The following SLC12A7 variants were observed in gnomAD, a reference collection of about 807,000 sequenced individuals.
SLC12A7 encodes solute carrier family 12 member 7, also known as K-Cl cotransporter 4.
In SLC12A7, 100 loss-of-function variants were observed where a neutral mutation model predicts 120.6. The observed-to-expected ratio is 0.83, with a 90% CI of 0.71 to 0.98. The LOEUF (loss-of-function observed/expected upper bound fraction) is 0.98, where lower values mean the gene tolerates loss of function less well. Ranked by LOEUF, SLC12A7 falls within the 50% of genes least tolerant of loss-of-function variation. SLC12A7 has a pLI of 0.00. For synonymous variants in SLC12A7, 760 were observed against 678.0 expected (o/e 1.12, Z -1.88); for missense variants, 1,373 against 1,548.1 (o/e 0.89, Z 1.90).
the SLC12A7 span, among the ~76,000 whole-genome samples, chr5:1,119,436 C>A: frequency 1.3e-5 from 2 of 152,334 alleles, no homozygotes; most frequent in African/African-American, 2.4e-5. Flanking sequence ...GCCGCAGGCA[C>A]GCACACATCC....
At chr5:1,135,714 C>G in the SLC12A7 span, among the ~76,000 whole-genome samples, 4,324 of 152,334 alleles carry the variant, frequency 0.028, 175 homozygotes, top group African/African-American at 0.093. Flanking sequence ...CCTGGAAAGA[C>G]AAACATCCCA....
the SLC12A7 span, among the ~76,000 whole-genome samples, chr5:1,125,140 G>A: frequency 6.6e-6 from 1 of 152,216 alleles, no homozygotes; most frequent in Non-Finnish European, 1.5e-5. Flanking sequence ...TGACAGCTGG[G>A]AATGGAGCAC....
chr5:1,092,247 T>C (rs1032391659), intron 3 of SLC12A7, among the ~76,000 whole-genome samples: 1 of 152,252 alleles, frequency 6.6e-6, no homozygotes, highest in Non-Finnish European at 1.5e-5. Flanking sequence ...CCGACTGCTG[T>C]GTGGGACCCA....
Position 1,096,035 on chromosome 5 carries a change from G to A in SLC12A7, c.125-1787C>T, listed in dbSNP as rs141505486. Among the ~76,000 whole-genome samples, 6 of 152,316 alleles carry A rather than the reference G, an allele frequency of 3.9e-5. No individual in the cohort carries two copies. In the East Asian group the frequency reaches 9.6e-4, roughly 24 times the overall value. On this transcript the variant is annotated intron_variant, in intron 1 of 23. Coordinates refer to ENST00000264930, the MANE Select transcript of SLC12A7 (RefSeq NM_006598.3). ...AGGTGACAGAGACGGTCAAATGCAC[G>A]CACAACCTCAGACTTCTTTTTCTAG...
At chr5:1,134,026 C>T in the SLC12A7 span, among the ~76,000 whole-genome samples, 7 of 152,170 alleles carry the variant, frequency 4.6e-5, no homozygotes, top group Admixed American at 4.6e-4. Context: ...CTCCCTGGCC[C>T]ACCACAGACC....
At chr5:1,130,821 T>C in the SLC12A7 span, among the ~76,000 whole-genome samples, 1 of 152,116 alleles carries the variant, frequency 6.6e-6, no homozygotes, top group Non-Finnish European at 1.5e-5. Context: ...GAGGCTGAGC[T>C]CAGCACAGCC....
chr5:1,062,827 C>T (rs943585287), intron 20 of SLC12A7: 7 of 154,464 alleles, frequency 4.5e-5, no homozygotes, highest in African/African-American at 1.7e-4. Flanking sequence ...TCCCAGCACC[C>T]ACCTCCAGGA....
upstream of SLC12A7, chr5:1,112,088 G>C: frequency 8.6e-7 from 1 of 1,162,194 alleles, no homozygotes; most frequent in Non-Finnish European, 1.1e-6. Flanking sequence ...GGGTCCGACC[G>C]AGCCGCCCCG....
intron 14 of SLC12A7, 46 bp from the exon 15 acceptor site, chr5:1,075,536 C>A (rs1359524192): frequency 1.3e-6 from 2 of 1,580,024 alleles, no homozygotes; most frequent in African/African-American, 1.3e-5. Context: ...GCCATGCAGC[C>A]CCCACACCTC....
rs115550939 is a variant in SLC12A7 at position 1,078,333 on chromosome 5, C to A, written c.1455-326G>T. On this transcript the variant is annotated intron_variant, in intron 11 of 23. Transcript: ENST00000264930. Reference sequence around the variant, plus strand: ...GCCTTGGGGCTGCCAGACACGCACACCCCATGAGGATGCAGGGTCAGTGAT... The same window carrying A: ...GCCTTGGGGCTGCCAGACACGCACAACCCATGAGGATGCAGGGTCAGTGAT... Among the ~76,000 whole-genome samples, 1,035 of 152,250 alleles carry A rather than the reference C, an allele frequency of 6.8e-3. 18 individuals are homozygous for A. The highest frequency in any genetic ancestry group is 0.024 in the African/African-American group (983 of 41,538).
the SLC12A7 span, among the ~76,000 whole-genome samples, chr5:1,142,451 T>TGCCCTCCACTCC: frequency 3.8e-5 from 1 of 26,500 alleles, no homozygotes; most frequent in Admixed American, 4.2e-4. Context: ...CCCTCCCCTC[T>TGCCCTCCACTCC]CTGCCCTCCA....
chr5:1,121,139 A>G, the SLC12A7 span, among the ~76,000 whole-genome samples: 4 of 152,114 alleles, frequency 2.6e-5, no homozygotes, highest in East Asian at 7.7e-4. Context: ...CGCATCCCTC[A>G]TCTTGCAGGC....
intron 17 of SLC12A7, among the ~76,000 whole-genome samples, chr5:1,069,402 G>A (rs532875130): frequency 5.1e-4 from 77 of 152,376 alleles, no homozygotes; most frequent in African/African-American, 1.8e-3. Context: ...ACGGACCGGG[G>A]AGGCGGTGGG....
At chr5:1,130,542 C>T in the SLC12A7 span, among the ~76,000 whole-genome samples, 2 of 151,930 alleles carry the variant, frequency 1.3e-5, no homozygotes, top group African/African-American at 2.4e-5. Flanking sequence ...TTAGCCAGGG[C>T]GGCTGCCCGC....
At chr5:1,059,783 G>A (rs1374657811) in intron 21 of SLC12A7, among the ~76,000 whole-genome samples, 4 of 148,844 alleles carry the variant, frequency 2.7e-5, no homozygotes, top group African/African-American at 7.4e-5. Flanking sequence ...GGGGGGGTTG[G>A]CAACTCCCCT....
rs375355777 is a variant in SLC12A7 at position 1,053,431 on chromosome 5, G to A, written c.3078C>T (p.Val1026=). Residue 1026 remains valine (V), a synonymous_variant, in exon 23 of 24, where the codon GTC becomes GTT. Transcript: ENST00000264930. The part of the protein sequence containing the change: ...RMHTAVKLNG[V]VLNKSQDAQL... ...GCGCATCCTGGGACTTGTTGAGGACGACGCCATTGAGCTTCACAGCCGTGT... is the reference window on the plus strand; with the variant it reads ...GCGCATCCTGGGACTTGTTGAGGACAACGCCATTGAGCTTCACAGCCGTGT... 2.4e-5 allele frequency: 39 copies of A among 1,613,976 alleles called. No homozygotes were observed. The African/African-American group carries it at 2.5e-4, about 10-fold the overall frequency.
chr5:1,080,768 C>T (rs982684213), intron 9 of SLC12A7, among the ~76,000 whole-genome samples: 1 of 152,224 alleles, frequency 6.6e-6, no homozygotes, highest in Non-Finnish European at 1.5e-5. Context: ...GGCCGAGGTC[C>T]CCGGCCTCTG....
the SLC12A7 span, among the ~76,000 whole-genome samples, chr5:1,119,378 C>T: frequency 6.6e-6 from 1 of 152,236 alleles, no homozygotes; most frequent in African/African-American, 2.4e-5. Context: ...GATCCCACCC[C>T]GCACAGCAGT....
At chr5:1,079,330 C>T (rs182964134) in intron 10 of SLC12A7, 68 bp downstream of exon 10, 265 of 1,238,172 alleles carry the variant, frequency 2.1e-4, no homozygotes, top group East Asian at 1.0e-3. Context: ...GATGCTGAGC[C>T]GGGGAGGGCA....
Sources: gnomAD v4.1 joint callset for allele counts (sites outside exome capture counted in the v4.1 genomes callset) on GRCh38, gnomAD v4.1.1 for gene constraint, MANE v1.5 for transcripts, NCBI Gene and HGNC (gene_info 2026-07-23, HGNC 2026-07-21) for gene names.